Variants in ANKS1B observed in about 807,000 individuals in gnomAD.
ANKS1B encodes the protein ankyrin repeat and sterile alpha motif domain-containing protein 1B.
In ANKS1B, 36 loss-of-function variants were observed where a neutral mutation model predicts 148.3. The observed-to-expected ratio is 0.24, with a 90% CI of 0.19 to 0.32. The LOEUF (loss-of-function observed/expected upper bound fraction) is 0.32. Ranked by LOEUF, ANKS1B falls within the 10% of genes least tolerant of loss-of-function variation. ANKS1B has a pLI of 1.00. For synonymous variants in ANKS1B, 542 were observed against 560.8 expected (o/e 0.97, Z 0.47); for missense variants, 1,157 against 1,542.6 (o/e 0.75, Z 4.19).
At chr12:99,691,374 T>A (rs941394247) in intron 8 of ANKS1B, among the ~76,000 whole-genome samples, 2 of 152,202 alleles carry the variant, frequency 1.3e-5, no homozygotes, top group Non-Finnish European at 2.9e-5. Flanking sequence ...AGCAAATGGT[T>A]TTTCTTTTCT....
At chr12:99,877,093 C>T (rs574724556) in intron 1 of ANKS1B, among the ~76,000 whole-genome samples, 2 of 151,528 alleles carry the variant, frequency 1.3e-5, no homozygotes, top group African/African-American at 4.8e-5. Context: ...ACCCACTTCA[C>T]CCCCCCACCC....
intron 17 of ANKS1B, among the ~76,000 whole-genome samples, chr12:98,998,075 G>A (rs1291518860): frequency 6.6e-6 from 1 of 152,174 alleles, no homozygotes; most frequent in Non-Finnish European, 1.5e-5. Flanking sequence ...ACCTGTCCTT[G>A]TGCCACTTTT....
chr12:99,117,816 C>T (rs950778106), intron 15 of ANKS1B, among the ~76,000 whole-genome samples: 18 of 152,152 alleles, frequency 1.2e-4, no homozygotes, highest in Admixed American at 6.6e-4. Context: ...GGCTGTGAAT[C>T]TGTCTGGTCC....
chr12:99,394,749 C>G (rs1297908204), intron 12 of ANKS1B, among the ~76,000 whole-genome samples: 1 of 152,136 alleles, frequency 6.6e-6, no homozygotes, highest in Non-Finnish European at 1.5e-5. Flanking sequence ...CATCCTTCCT[C>G]AAGCTCAGTT....
chr12:99,527,475 G>T (rs1361499128), intron 9 of ANKS1B, among the ~76,000 whole-genome samples: 1 of 152,138 alleles, frequency 6.6e-6, no homozygotes, highest in Non-Finnish European at 1.5e-5. Context: ...AGTCCACCTG[G>T]ATCACTTGTT....
chr12:99,698,331 G>T (rs1312724990), intron 8 of ANKS1B, among the ~76,000 whole-genome samples: 1 of 152,100 alleles, frequency 6.6e-6, no homozygotes. Context: ...AATAAACCTT[G>T]AATTTCACTT....
At chr12:99,396,765 A>G (rs929697652) in intron 12 of ANKS1B, among the ~76,000 whole-genome samples, 1 of 152,174 alleles carries the variant, frequency 6.6e-6, no homozygotes, top group African/African-American at 2.4e-5. Context: ...TAAAGGGGAA[A>G]AGGTAATATT....
chr12:98,977,527 A>G (rs1485995016), intron 17 of ANKS1B, among the ~76,000 whole-genome samples: 1 of 152,176 alleles, frequency 6.6e-6, no homozygotes, highest in Non-Finnish European at 1.5e-5. Flanking sequence ...CACATATTAT[A>G]ATGGGAATTC....
chr12:99,430,696 C>G (rs1036921194), intron 11 of ANKS1B, among the ~76,000 whole-genome samples: 1 of 152,202 alleles, frequency 6.6e-6, no homozygotes, highest in Non-Finnish European at 1.5e-5. Flanking sequence ...ATTGCCTCTT[C>G]CATGTTTCTC....
intron 12 of ANKS1B, among the ~76,000 whole-genome samples, chr12:99,292,345 T>A (rs2080128710): frequency 1.3e-5 from 2 of 149,196 alleles, no homozygotes; most frequent in Non-Finnish European, 3.0e-5. Context: ...AAAATAAAAA[T>A]AAAAATAAAA....
At chr12:99,351,485 T>C (rs1195915075) in intron 12 of ANKS1B, among the ~76,000 whole-genome samples, 4 of 152,006 alleles carry the variant, frequency 2.6e-5, no homozygotes, top group Non-Finnish European at 5.9e-5. Flanking sequence ...CAACCTGTGA[T>C]GGTAGAAAAC....
chr12:98,768,384 CA>C (rs2098513443), intron 25 of ANKS1B, among the ~76,000 whole-genome samples: 1 of 123,460 alleles, frequency 8.1e-6, no homozygotes, highest in African/African-American at 3.1e-5. Flanking sequence ...TAACATTTTC[CA>C]AAATGTGTTC....
intron 9 of ANKS1B, among the ~76,000 whole-genome samples, chr12:99,590,496 C>T (rs1453184308): frequency 1.3e-5 from 2 of 152,086 alleles, no homozygotes; most frequent in African/African-American, 2.4e-5. Flanking sequence ...CCCTTGCATC[C>T]ACAGCATCTA....
chr12:98,781,358 G>A (rs750418935), intron 23 of ANKS1B, 155 bp from the exon 24 acceptor site: 34 of 678,704 alleles, frequency 5.0e-5, no homozygotes, highest in Non-Finnish European at 6.0e-5. Flanking sequence ...TACACACCAC[G>A]CACACTCTAA....
chr12:99,591,602 G>T (rs11834661), intron 9 of ANKS1B, among the ~76,000 whole-genome samples: 1 of 151,920 alleles, frequency 6.6e-6, no homozygotes, highest in South Asian at 2.1e-4. Context: ...GACCAGAAGC[G>T]GTCCCTGCCC....
At chr12:99,585,751 C>T (rs2097629392) in intron 9 of ANKS1B, among the ~76,000 whole-genome samples, 1 of 152,180 alleles carries the variant, frequency 6.6e-6, no homozygotes, top group Non-Finnish European at 1.5e-5. Flanking sequence ...GTGGAAGTTG[C>T]CAATGCTTGG....
chr12:98,747,235 AAAAAAC>A (rs1185759206), intron 26 of ANKS1B, among the ~76,000 whole-genome samples: 17 of 152,318 alleles, frequency 1.1e-4, no homozygotes, highest in African/African-American at 2.9e-4. Flanking sequence ...AAACAAAAAT[AAAAAAC>A]AAAAACAAAA....
chr12:98,773,329 G>A, intron 24 of ANKS1B, 150 bp from the exon 25 acceptor site: 1 of 826,958 alleles, frequency 1.2e-6, no homozygotes, highest in South Asian at 2.2e-5. Flanking sequence ...TATTATTTGT[G>A]GGTAAATGAA....
At chr12:99,563,688 GA>G (rs1298590302) in intron 9 of ANKS1B, among the ~76,000 whole-genome samples, 4 of 152,138 alleles carry the variant, frequency 2.6e-5, no homozygotes, top group Non-Finnish European at 5.9e-5. Flanking sequence ...AATGCTGTTG[GA>G]AATATGTCAC....
Sources: allele counts gnomAD v4.1 joint callset (sites outside exome capture counted in the v4.1 genomes callset), GRCh38; gene constraint gnomAD v4.1.1; transcripts MANE v1.5; gene names NCBI Gene and HGNC (gene_info 2026-07-23, HGNC 2026-07-21).